The following CNTNAP3B variants were observed in gnomAD, a reference collection of about 807,000 sequenced individuals.
CNTNAP3B encodes contactin associated protein family member 3B, also known as contactin-associated protein-like 3B.
CNTNAP3B carries 25 observed loss-of-function variants against 108.9 expected under a neutral mutation model. The ratio of observed to expected loss-of-function variants is 0.23; its 90% CI spans 0.17 to 0.32. The LOEUF (loss-of-function observed/expected upper bound fraction) is 0.32. Ranked by LOEUF, CNTNAP3B falls within the 10% of genes least tolerant of loss-of-function variation. CNTNAP3B has a pLI of 1.00. For synonymous variants in CNTNAP3B, 103 were observed against 473.4 expected (o/e 0.22, Z 10.16); for missense variants, 252 against 1,210.4 (o/e 0.21, Z 11.75).
At chr9:41,934,832 T>C (rs1357913574) in intron 14 of CNTNAP3B, among the ~76,000 whole-genome samples, 2 of 152,290 alleles carry the variant, frequency 1.3e-5, no homozygotes, top group Non-Finnish European at 2.9e-5. Flanking sequence ...TACTCGTATT[T>C]ATTATGATTA....
chr9:42,080,607 C>T (rs1248006476), intron 2 of CNTNAP3B, among the ~76,000 whole-genome samples: 3 of 131,280 alleles, frequency 2.3e-5, no homozygotes, highest in African/African-American at 9.3e-5. Context: ...TGACTCCACC[C>T]CCAACTAGAG....
chr9:41,945,428 A>C (rs1587131696), intron 13 of CNTNAP3B, among the ~76,000 whole-genome samples: 1 of 152,428 alleles, frequency 6.6e-6, no homozygotes, highest in East Asian at 1.9e-4. Flanking sequence ...ATGGAATACT[A>C]TGCAGCCATG....
At chr9:41,934,892 G>T (rs1402917090) in intron 14 of CNTNAP3B, among the ~76,000 whole-genome samples, 2 of 152,280 alleles carry the variant, frequency 1.3e-5, no homozygotes, top group African/African-American at 4.8e-5. Context: ...CTTTTTATTT[G>T]TGGTTACTTT....
chr9:42,099,406 T>A (rs1422268467), intron 2 of CNTNAP3B, among the ~76,000 whole-genome samples: 2 of 134,778 alleles, frequency 1.5e-5, no homozygotes, highest in Non-Finnish European at 3.1e-5. Flanking sequence ...ACCCATATAG[T>A]TAATCTCTTC....
At chr9:41,923,316 A>T (rs1239681256) in intron 16 of CNTNAP3B, among the ~76,000 whole-genome samples, 2 of 150,360 alleles carry the variant, frequency 1.3e-5, no homozygotes, top group East Asian at 1.9e-4. Context: ...TACATAAAAA[A>T]CAATATGTCT....
chr9:42,121,104 C>T (rs1395575610), intron 1 of CNTNAP3B, among the ~76,000 whole-genome samples: 1 of 138,680 alleles, frequency 7.2e-6, no homozygotes, highest in African/African-American at 2.9e-5. Flanking sequence ...CAGGAGTTAG[C>T]ACCCCAAGGG....
chr9:41,958,680 C>T (rs1353978924), intron 12 of CNTNAP3B, among the ~76,000 whole-genome samples: 47 of 151,040 alleles, frequency 3.1e-4, no homozygotes, highest in Non-Finnish European at 6.6e-4. Flanking sequence ...TTTCCTTCCT[C>T]CAGGCAGGTT....
chr9:41,959,598 G>A (rs1174737276), intron 12 of CNTNAP3B, among the ~76,000 whole-genome samples: 5 of 152,306 alleles, frequency 3.3e-5, no homozygotes, highest in Admixed American at 6.5e-5. Context: ...CATTGTTTGA[G>A]TCGGGATTTT....
intron 9 of CNTNAP3B, among the ~76,000 whole-genome samples, chr9:41,973,849 C>T (rs1430925187): frequency 1.5e-5 from 2 of 131,842 alleles, no homozygotes; most frequent in African/African-American, 3.1e-5. Context: ...CTTTCTTTCT[C>T]TCTCTCTCTC....
rs1013584947 is a variant in CNTNAP3B at position 41,927,575 on chromosome 9, A to T, written c.2365+1742T>A. 2.0e-5 allele frequency among the ~76,000 whole-genome samples: 3 copies of T among 151,446 alleles called. No homozygotes were observed. In the East Asian group the frequency reaches 5.9e-4, roughly 30 times the overall value. ...GGAGGGAGGAAGGAAGGAAGGAGCC[A>T]TCTGAATGGGATGGAGGAAGGAAAT... On this transcript the variant is annotated intron_variant, in intron 15 of 23. Coordinates refer to ENST00000377561, the MANE Select transcript of CNTNAP3B (RefSeq NM_001201380.3).
intron 1 of CNTNAP3B, among the ~76,000 whole-genome samples, chr9:42,123,086 T>C (rs894357305): frequency 1.6e-5 from 2 of 127,600 alleles, no homozygotes; most frequent in African/African-American, 6.4e-5. Flanking sequence ...TCCCTCCTTC[T>C]GTTATAAATG....
intron 13 of CNTNAP3B, among the ~76,000 whole-genome samples, chr9:41,952,444 A>G (rs1378649818): frequency 1.3e-5 from 2 of 152,380 alleles, no homozygotes; most frequent in East Asian, 3.9e-4. Flanking sequence ...TCAGTATTTA[A>G]CTATAATTAG....
intron 3 of CNTNAP3B, among the ~76,000 whole-genome samples, chr9:42,075,022 TC>T (rs1318732848): frequency 1.4e-5 from 2 of 146,138 alleles, no homozygotes; most frequent in African/African-American, 5.3e-5. Flanking sequence ...TAGGGAGGGA[TC>T]TGTTCTATGC....
At chr9:42,097,141 C>T (rs1410188302) in intron 2 of CNTNAP3B, among the ~76,000 whole-genome samples, 2 of 139,954 alleles carry the variant, frequency 1.4e-5, no homozygotes, top group Non-Finnish European at 3.1e-5. Flanking sequence ...ATAAAATTCA[C>T]CAAGTTCACA....
intron 13 of CNTNAP3B, among the ~76,000 whole-genome samples, chr9:41,952,547 A>G (rs1288371444): frequency 1.3e-5 from 2 of 152,222 alleles, no homozygotes; most frequent in African/African-American, 4.8e-5. Flanking sequence ...AGGAGGGGGA[A>G]GTTGGTCTTT....
intron 14 of CNTNAP3B, among the ~76,000 whole-genome samples, chr9:41,935,568 A>C (rs1317110195): frequency 6.6e-6 from 1 of 152,296 alleles, no homozygotes; most frequent in African/African-American, 2.4e-5. Context: ...ATAAACTGAA[A>C]AATCAATTTT....
intron 10 of CNTNAP3B, among the ~76,000 whole-genome samples, chr9:41,969,039 G>T (rs1212372839): frequency 2.0e-5 from 3 of 152,282 alleles, no homozygotes; most frequent in Non-Finnish European, 2.9e-5. Context: ...CTCGTGATCC[G>T]CCCGCCTTGG....
intron 15 of CNTNAP3B, chr9:41,926,589 G>C (rs1823826379): frequency 6.6e-6 from 1 of 152,316 alleles, no homozygotes; most frequent in Non-Finnish European, 1.5e-5. Context: ...AGCCTTCCTA[G>C]TTGCTGGGAC....
At chr9:41,964,391 G>T in intron 11 of CNTNAP3B, 147 bp downstream of exon 11, 2 of 1,421,252 alleles carry the variant, frequency 1.4e-6, no homozygotes, top group South Asian at 1.5e-5. Context: ...AAATAAGGTG[G>T]ATTAAAAGTA....
Sources: gnomAD v4.1 joint callset for allele counts (sites outside exome capture counted in the v4.1 genomes callset) on GRCh38, gnomAD v4.1.1 for gene constraint, MANE v1.5 for transcripts, NCBI Gene and HGNC (gene_info 2026-07-23, HGNC 2026-07-21) for gene names.